MLX: variants seen among roughly 807,000 people sequenced by gnomAD.
MLX encodes MAX dimerization protein MLX.
A neutral mutation model predicts 33.0 loss-of-function variants in MLX; 15 were observed. The ratio of observed to expected loss-of-function variants is 0.45; its 90% confidence interval spans 0.30 to 0.70. MLX has a LOEUF of 0.70. MLX is among the 30% of genes least tolerant of loss of function. The probability of loss-of-function intolerance (pLI) is 0.07; values close to 1 mark genes in which losing one functional copy is unlikely to be tolerated. For missense variants in MLX, 285 were observed against 306.3 expected, an observed-to-expected ratio of 0.93 and a Z score of 0.52; for synonymous variants, 115 against 115.6, an observed-to-expected ratio of 0.99 and a Z score of 0.03.
intron 7 of MLX, among the ~76,000 whole-genome samples, 160 bp from the exon 8 acceptor site, chr17:42,571,387 G>A (rs181721004): frequency 4.0e-4 from 61 of 152,182 alleles, no homozygotes; most frequent in African/African-American, 1.2e-3. Context: ...TTGGCCTCCC[G>A]AAGTGCTGGG....
rs573911811 is a variant in MLX at position 42,569,343 on chromosome 17, G to A, written c.376+40G>A. 1.5e-5 allele frequency: 24 copies of A among 1,592,602 alleles called. No homozygotes were observed. In the South Asian group the frequency reaches 2.3e-4, roughly 15 times the overall value. On this transcript the variant is annotated intron_variant, in intron 5 of 7. Transcript: ENST00000435881. ...AGCACTGGAGGGGATGGAGCCAAGC[G>A]GGGCTGTGAAGAGGCCAGTGCCTCC...
intron 6 of MLX, 180 bp from the exon 7 acceptor site, chr17:42,569,802 A>T: frequency 1.4e-6 from 1 of 723,320 alleles, no homozygotes. Flanking sequence ...GATTAATGTA[A>T]GGAAGGTTGG....
intron 2 of MLX, chr17:42,568,014 G>C (rs1390680261): frequency 1.3e-5 from 4 of 317,746 alleles, no homozygotes; most frequent in South Asian, 5.1e-5. Flanking sequence ...GGCAGGAAGT[G>C]GGGGGCCCAG....
chr17:42,569,044 G>A (rs924434052), intron 4 of MLX, 101 bp downstream of exon 4: 1 of 1,324,194 alleles, frequency 7.6e-7, no homozygotes, highest in East Asian at 2.4e-5. Flanking sequence ...CACCCTAGGG[G>A]GTGGGCAGGT....
rs1458106083 is a variant in MLX at position 42,572,137 on chromosome 17, G to C, written c.*534G>C. The C allele has an allele frequency of 3.3e-6, 1 of 305,608 alleles. No homozygotes were observed. The highest frequency in any genetic ancestry group is 6.4e-6 in the Non-Finnish European group (1 of 156,626). 18.9% of individuals were successfully genotyped at this position (305,608 alleles called of 1,614,324 possible). A position where few individuals can be genotyped will look rare whatever the true frequency, so the allele number is the denominator to read the frequency against. ...CTTGTGCCTAGACTAGGGCTGCCTG[G>C]TCAGTCCCAGGTGAGGCCAAGGGCT... On this transcript the variant is annotated 3_prime_UTR_variant, in exon 8 of 8. Transcript: ENST00000435881.
intron 2 of MLX, 61 bp downstream of exon 2, chr17:42,567,716 T>A (rs1176591686): frequency 6.2e-7 from 1 of 1,610,868 alleles, no homozygotes; most frequent in Non-Finnish European, 8.5e-7. Context: ...CTCTAGATTC[T>A]TGTGGCGTTG....
At chr17:42,568,992 G>T in intron 4 of MLX, 49 bp downstream of exon 4, 1 of 1,553,980 alleles carries the variant, frequency 6.4e-7, no homozygotes, top group Non-Finnish European at 8.8e-7. Flanking sequence ...GCCCTGCATA[G>T]TTTAGCTTCC....
In MLX at chr17:42,571,580, C is replaced by G. The variant is rs543511292; in HGVS notation, c.712C>G (p.Gln238Glu). The G allele has an allele frequency of 4.3e-6, 7 of 1,614,138 alleles. No homozygotes were observed. In the African/African-American group the frequency reaches 9.3e-5, roughly 22 times the overall value. Reference protein sequence around the residue: ...LREIVIGVLHQLKNQLY With the variant: ...LREIVIGVLHELKNQLY ...GGAGATTGTGATTGGCGTCCTGCACCAATTGAAAAACCAGCTTTACTGACC... is the reference window on the plus strand; with the variant it reads ...GGAGATTGTGATTGGCGTCCTGCACGAATTGAAAAACCAGCTTTACTGACC... Residue 238 changes from glutamine to glutamate, a missense_variant, in exon 8 of 8, where the codon CAA becomes GAA. Transcript: ENST00000435881.
intron 7 of MLX, 122 bp from the exon 8 acceptor site, chr17:42,571,424 GC>G: frequency 1.9e-6 from 2 of 1,039,448 alleles, no homozygotes; most frequent in Admixed American, 1.8e-5. Flanking sequence ...ACCACACCTG[GC>G]CCCCGGGGGG....
Position 42,571,703 on chromosome 17 carries a change from C to T in MLX, c.*100C>T, listed in dbSNP as rs372883861. The T allele has an allele frequency of 7.3e-6, 8 of 1,096,754 alleles. No individual in the cohort carries two copies. The African/African-American group carries it at 1.2e-4, about 17-fold the overall frequency. 67.9% of individuals were successfully genotyped at this position (1,096,754 alleles called of 1,614,324 possible). A position where few individuals can be genotyped will look rare whatever the true frequency, so the allele number is the denominator to read the frequency against. ...CGGGAGACTGGACTACAACACCTCACACTGGTCAGCTGGTTTCTACTTGGT... is the reference window on the plus strand; with the variant it reads ...CGGGAGACTGGACTACAACACCTCATACTGGTCAGCTGGTTTCTACTTGGT... On this transcript the variant is annotated 3_prime_UTR_variant, in exon 8 of 8. Transcript: ENST00000435881.
Position 42,569,888 on chromosome 17 carries a change from C to T in MLX, c.477-94C>T, listed in dbSNP as rs549182556. On this transcript the variant is annotated intron_variant, in intron 6 of 7. Transcript: ENST00000435881. ...AACCCCACCCAGAAGCTCTCTGGGG[C>T]TGCCATTCCTGGGAGTACACAGGAT... 5.4e-5 allele frequency: 66 copies of T among 1,219,162 alleles called. No individual in the cohort carries two copies. The African/African-American group carries it at 8.9e-4, about 16-fold the overall frequency. The allele number at this position is 1,219,162 out of a possible 1,614,324, so 75.5% of individuals were successfully genotyped here. A position where few individuals can be genotyped will look rare whatever the true frequency, so the allele number is the denominator to read the frequency against.
intron 2 of MLX, chr17:42,568,098 A>G: frequency 4.7e-6 from 1 of 214,294 alleles, no homozygotes. Flanking sequence ...GCGGTGGCTC[A>G]CCCCTGTAAT....
intron 2 of MLX, 130 bp downstream of exon 2, chr17:42,567,785 A>C: frequency 8.3e-7 from 1 of 1,210,644 alleles, no homozygotes; most frequent in Non-Finnish European, 1.2e-6. Flanking sequence ...TTGAGACAGC[A>C]GGAGCTGAAG....
At chr17:42,570,214 G>T (rs754863961) in intron 7 of MLX, 31 bp downstream of exon 7, 2 of 1,606,700 alleles carry the variant, frequency 1.2e-6, no homozygotes, top group Non-Finnish European at 1.7e-6. Flanking sequence ...CAGGGTCTGC[G>T]GTTTTCTCTA....
intron 6 of MLX, 62 bp from the exon 7 acceptor site, chr17:42,569,920 G>A (rs1256901117): frequency 1.7e-5 from 25 of 1,496,898 alleles, no homozygotes; most frequent in Non-Finnish European, 2.1e-5. Flanking sequence ...GGATAGTCCC[G>A]TCATTCTTCT....
rs745532346 is a variant in MLX at position 42,568,841 on chromosome 17, TGAG to T, written c.177_179del (p.Glu59del). On this transcript the variant is annotated inframe_deletion, in exon 4 of 8. Coordinates refer to ENST00000435881, the MANE Select transcript of MLX (RefSeq NM_198204.2). Reference sequence around the variant, plus strand: ...TGCCCCCATCTCTGAGCGTAGATGATGAGGACAGTGATTACCACCAGGAGGCCT... The same window carrying T: ...TGCCCCCATCTCTGAGCGTAGATGATGACAGTGATTACCACCAGGAGGCCT... The T allele has an allele frequency of 2.2e-5, 36 of 1,607,030 alleles. No homozygotes were observed. Among genetic ancestry groups the T allele is most frequent in the African/African-American group, 8.0e-5 (6 of 74,700 alleles).
At chr17:42,568,751 G>A in intron 3 of MLX, 86 bp from the exon 4 acceptor site, 1 of 1,262,224 alleles carries the variant, frequency 7.9e-7, no homozygotes, top group Non-Finnish European at 1.1e-6. Flanking sequence ...CTGGACACCA[G>A]GTTCTTCCCA....
chr17:42,571,951 T>C lies in MLX; in HGVS notation c.*348T>C. ...CTCAGATTTCTGCTCATGATCTACA[T>C]AGATTTGGAAACTGTTTTCCTCTGT... On this transcript the variant is annotated 3_prime_UTR_variant, in exon 8 of 8. Coordinates refer to ENST00000435881, the MANE Select transcript of MLX (RefSeq NM_198204.2). 6.5e-6 allele frequency: 2 copies of C among 307,178 alleles called. No homozygotes were observed. Among genetic ancestry groups the C allele is most frequent in the South Asian group, 7.3e-5 (2 of 27,242 alleles). The allele number at this position is 307,178 out of a possible 1,614,324, so 19.0% of individuals were successfully genotyped here. A position where few individuals can be genotyped will look rare whatever the true frequency, so the allele number is the denominator to read the frequency against.
chr17:42,567,410 CA>C (rs1205078012), intron 1 of MLX: 2 of 1,391,324 alleles, frequency 1.4e-6, no homozygotes, highest in East Asian at 5.0e-5. Flanking sequence ...GGATCATACA[CA>C]GGGGAGGCAC....
Sources: gnomAD v4.1 joint callset for allele counts (sites outside exome capture counted in the v4.1 genomes callset) on GRCh38, gnomAD v4.1.1 for gene constraint, MANE v1.5 for transcripts, NCBI Gene and HGNC (gene_info 2026-07-23, HGNC 2026-07-21) for gene names.